PTPRD: variants seen among roughly 807,000 people sequenced by gnomAD.
PTPRD encodes the protein protein tyrosine phosphatase receptor type D.
A neutral mutation model predicts 214.5 loss-of-function variants in PTPRD; 34 were observed. That is an observed-to-expected ratio of 0.16 (90% CI 0.12 to 0.21). PTPRD has a LOEUF of 0.21. PTPRD is among the 10% of genes least tolerant of loss of function. PTPRD has a pLI of 1.00. For synonymous variants in PTPRD, 1,128 were observed against 845.7 expected (o/e 1.33, Z -5.79); for missense variants, 2,545 against 2,398.7 (o/e 1.06, Z -1.27).
intron 11 of PTPRD, among the ~76,000 whole-genome samples, chr9:8,772,835 T>C (rs1357899557): frequency 6.6e-6 from 1 of 152,126 alleles, no homozygotes; most frequent in Non-Finnish European, 1.5e-5. Flanking sequence ...ATTTTGGGGG[T>C]GCTAGATATT....
In PTPRD at chr9:9,316,581, T is replaced by C. The variant is rs141511099; in HGVS notation, c.-203+80868A>G. Among the ~76,000 whole-genome samples the C allele has an allele frequency of 2.7e-3, 405 of 152,238 alleles. 5 individuals carry two copies. The highest frequency in any genetic ancestry group is 9.4e-3 in the African/African-American group (391 of 41,570). On this transcript the variant is annotated intron_variant, in intron 9 of 45. Coordinates refer to ENST00000381196, the MANE Select transcript of PTPRD (RefSeq NM_002839.4). ...ACCAGTTTTTACCCTATCATGAATC[T>C]TCCAATGGGCTTTTGTAGGGGAAGA...
intron 4 of PTPRD, among the ~76,000 whole-genome samples, chr9:9,981,797 T>G (rs753006056): frequency 1.1e-4 from 17 of 152,186 alleles, no homozygotes; most frequent in Non-Finnish European, 2.2e-4. Context: ...CTCTATTTTC[T>G]TCATTTCCAT....
intron 3 of PTPRD, among the ~76,000 whole-genome samples, chr9:10,064,426 A>G (rs2097840277): frequency 2.0e-5 from 3 of 151,998 alleles, no homozygotes; most frequent in Admixed American, 6.6e-5. Flanking sequence ...TAGGCTTCCT[A>G]TTATTTCATG....
intron 7 of PTPRD, among the ~76,000 whole-genome samples, chr9:9,660,980 G>A (rs1268309437): frequency 2.0e-5 from 3 of 151,998 alleles, no homozygotes; most frequent in East Asian, 3.9e-4. Context: ...AGCTTCATAT[G>A]GAAATAACGC....
At chr9:8,480,478 A>T (rs1396231145) in intron 30 of PTPRD, among the ~76,000 whole-genome samples, 1 of 152,202 alleles carries the variant, frequency 6.6e-6, no homozygotes, top group Admixed American at 6.5e-5. Context: ...TTGCCCAATT[A>T]ACTATGCTGT....
intron 8 of PTPRD, among the ~76,000 whole-genome samples, chr9:9,464,957 AT>A (rs1311106969): frequency 1.3e-5 from 2 of 152,122 alleles, no homozygotes; most frequent in Non-Finnish European, 2.9e-5. Flanking sequence ...CATTTTGCAT[AT>A]TTTAGGGTAG....
At chr9:10,348,559 T>C (rs1231609310) in intron 2 of PTPRD, among the ~76,000 whole-genome samples, 1 of 152,162 alleles carries the variant, frequency 6.6e-6, no homozygotes, top group Non-Finnish European at 1.5e-5. Context: ...AGATAAAGCA[T>C]AAAACTTGTC....
intron 14 of PTPRD, among the ~76,000 whole-genome samples, chr9:8,587,324 G>C (rs2093742347): frequency 6.6e-6 from 1 of 152,108 alleles, no homozygotes; most frequent in Non-Finnish European, 1.5e-5. Flanking sequence ...GATTTATTTA[G>C]ATTTTATATT....
chr9:9,088,389 G>T (rs909438385), intron 10 of PTPRD, among the ~76,000 whole-genome samples: 16 of 151,398 alleles, frequency 1.1e-4, no homozygotes, highest in Admixed American at 8.5e-4. Flanking sequence ...AGACTAGCCT[G>T]ACCAACATGG....
At chr9:10,262,603 T>G (rs760125743) in intron 3 of PTPRD, among the ~76,000 whole-genome samples, 1 of 152,130 alleles carries the variant, frequency 6.6e-6, no homozygotes, top group Non-Finnish European at 1.5e-5. Flanking sequence ...AACAGAGACA[T>G]TGGTACTGCA....
intron 9 of PTPRD, among the ~76,000 whole-genome samples, chr9:9,219,460 A>C (rs2099954411): frequency 1.3e-5 from 2 of 152,108 alleles, no homozygotes; most frequent in African/African-American, 4.8e-5. Flanking sequence ...TACCAAAGAC[A>C]TGTCCTTAAA....
intron 7 of PTPRD, among the ~76,000 whole-genome samples, chr9:9,673,445 T>C (rs1049619460): frequency 1.3e-5 from 2 of 151,784 alleles, no homozygotes; most frequent in African/African-American, 4.8e-5. Flanking sequence ...ATGTAACTCT[T>C]GAAATAAAAA....
chr9:8,933,108 T>G (rs571417782), intron 11 of PTPRD, among the ~76,000 whole-genome samples: 2 of 151,988 alleles, frequency 1.3e-5, no homozygotes, highest in African/African-American at 2.4e-5. Context: ...ATGGCTCCCC[T>G]TAGCTAGGGG....
chr9:9,269,847 G>T (rs1463446009), intron 9 of PTPRD, among the ~76,000 whole-genome samples: 2 of 151,334 alleles, frequency 1.3e-5, no homozygotes, highest in East Asian at 3.9e-4. Flanking sequence ...GTAACCTGAG[G>T]TTGGGGGTGG....
At chr9:10,479,658 T>TAAATAAATACATAAATAAATAAACAAAC (rs141946645) in intron 2 of PTPRD, among the ~76,000 whole-genome samples, 2 of 145,812 alleles carry the variant, frequency 1.4e-5, no homozygotes, top group Admixed American at 1.4e-4. Context: ...AATAAATAAA[T>TAAATAAATACATAAATAAATAAACAAAC]AAACAAAAAT....
rs150145552 is a variant in PTPRD, at chr9:9,449,944, A to G, written c.-236-52462T>C. Among the ~76,000 whole-genome samples, 418 of 151,996 alleles carry G rather than the reference A, an allele frequency of 2.8e-3. 2 individuals carry two copies. Among genetic ancestry groups the G allele is most frequent in the African/African-American group, 9.5e-3 (395 of 41,486 alleles). ...ATATCATTCTTATGCCTTTGTGTCC[A>G]CATATCTTAGCTCCCACTTATAAGT... On this transcript the variant is annotated intron_variant, in intron 8 of 45. Coordinates refer to ENST00000381196, the MANE Select transcript of PTPRD (RefSeq NM_002839.4).
intron 9 of PTPRD, among the ~76,000 whole-genome samples, chr9:9,199,852 C>T (rs2132240824): frequency 6.6e-6 from 1 of 152,074 alleles, no homozygotes; most frequent in South Asian, 2.1e-4. Flanking sequence ...AAAAGTATGG[C>T]CCTGCTGTGA....
At chr9:10,458,254 T>C (rs571007662) in intron 2 of PTPRD, among the ~76,000 whole-genome samples, 5 of 152,244 alleles carry the variant, frequency 3.3e-5, no homozygotes, top group Admixed American at 6.5e-5. Context: ...AAGAAAACTA[T>C]AGGCCAATAT....
intron 5 of PTPRD, among the ~76,000 whole-genome samples, chr9:9,863,610 C>T (rs1376748553): frequency 6.6e-6 from 1 of 152,080 alleles, no homozygotes. Flanking sequence ...AAACTTGAGC[C>T]CATTGAGCAA....
Sources: allele counts gnomAD v4.1 joint callset (sites outside exome capture counted in the v4.1 genomes callset), GRCh38; gene constraint gnomAD v4.1.1; transcripts MANE v1.5; gene names NCBI Gene and HGNC (gene_info 2026-07-23, HGNC 2026-07-21).